TBC1D22A: variants seen among roughly 807,000 people sequenced by gnomAD.
TBC1D22A encodes the protein TBC1 domain family member 22A, also known as putative GTPase activator.
TBC1D22A carries 38 observed loss-of-function variants against 60.2 expected under a neutral mutation model. The ratio of observed to expected loss-of-function variants is 0.63; its 90% CI spans 0.49 to 0.83. The LOEUF (loss-of-function observed/expected upper bound fraction) is 0.83, where lower values mean the gene tolerates loss of function less well. TBC1D22A is among the 40% of genes least tolerant of loss of function. The pLI is 0.00. For synonymous variants in TBC1D22A, 302 were observed against 281.7 expected, an observed-to-expected ratio of 1.07 and a Z score of -0.72; for missense variants, 628 against 701.0, an observed-to-expected ratio of 0.90 and a Z score of 1.18.
intron 11 of TBC1D22A, among the ~76,000 whole-genome samples, chr22:47,099,688 A>C (rs1476805218): frequency 6.6e-6 from 1 of 151,296 alleles, no homozygotes; most frequent in Non-Finnish European, 1.5e-5. Context: ...CAGGTGGTCC[A>C]CCTGCCTCAG....
chr22:47,149,882 C>G (rs1055649056), intron 12 of TBC1D22A, among the ~76,000 whole-genome samples: 2 of 152,162 alleles, frequency 1.3e-5, no homozygotes, highest in African/African-American at 4.8e-5. Flanking sequence ...TTTGGCCTAG[C>G]CCTCATCTCT....
chr22:47,101,385 G>C (rs984357745), intron 11 of TBC1D22A, among the ~76,000 whole-genome samples: 1 of 152,216 alleles, frequency 6.6e-6, no homozygotes, highest in Non-Finnish European at 1.5e-5. Context: ...TGCTGGGCCG[G>C]CCTCTAGAGC....
chr22:46,925,924 CA>C (rs1197795079), intron 8 of TBC1D22A, among the ~76,000 whole-genome samples: 1 of 152,130 alleles, frequency 6.6e-6, no homozygotes, highest in Non-Finnish European at 1.5e-5. Flanking sequence ...GGCCATAAAA[CA>C]AGCCGTAATA....
intron 11 of TBC1D22A, among the ~76,000 whole-genome samples, chr22:47,097,326 T>C (rs970094548): frequency 6.6e-6 from 1 of 152,152 alleles, no homozygotes; most frequent in Non-Finnish European, 1.5e-5. Context: ...TAGAAGTGCA[T>C]TGAATTGGGT....
chr22:46,912,274 C>T, intron 8 of TBC1D22A, 86 bp downstream of exon 8: 1 of 969,318 alleles, frequency 1.0e-6, no homozygotes, highest in Non-Finnish European at 1.6e-6. Flanking sequence ...TTGAAAATTG[C>T]TACTAAGTGT....
chr22:46,913,226 A>G lies in TBC1D22A; in HGVS notation c.1015+1038A>G, dbSNP rs6008000. ...TATGGATAAAACATAAATAGGAAAG[A>G]GGGGACTTTACTGTTTAGTCACAGC... is the stretch of plus-strand genomic sequence containing the variant. On this transcript the variant is annotated intron_variant, in intron 8 of 12. Coordinates refer to ENST00000337137, the MANE Select transcript of TBC1D22A (RefSeq NM_014346.5). 2.7e-3 allele frequency: 1,792 copies of G among 667,114 alleles called. 33 individuals are homozygous for G. In the African/African-American group the frequency reaches 0.032, roughly 12 times the overall value. The allele number at this position is 667,114 out of a possible 1,614,324, so 41.3% of individuals were successfully genotyped here.
At chr22:46,771,575 T>C (rs2083480031) in intron 1 of TBC1D22A, among the ~76,000 whole-genome samples, 1 of 151,786 alleles carries the variant, frequency 6.6e-6, no homozygotes, top group African/African-American at 2.4e-5. Flanking sequence ...CTTTGCATCC[T>C]CATGGCTTAG....
chr22:47,143,496 C>T (rs2067180326), intron 12 of TBC1D22A, among the ~76,000 whole-genome samples: 2 of 152,224 alleles, frequency 1.3e-5, no homozygotes, highest in African/African-American at 4.8e-5. Context: ...TAGAATATCA[C>T]CATCAGTGCA....
chr22:46,964,743 G>GT (rs2073714664), intron 8 of TBC1D22A, among the ~76,000 whole-genome samples: 1 of 152,200 alleles, frequency 6.6e-6, no homozygotes, highest in Non-Finnish European at 1.5e-5. Flanking sequence ...AGGGAGGAGT[G>GT]TTTTGAAATG....
rs990112056 is a variant in TBC1D22A, at chr22:47,046,421, C to T, written c.1329+9223C>T. On this transcript the variant is annotated intron_variant, in intron 11 of 12. Coordinates refer to ENST00000337137, the MANE Select transcript of TBC1D22A (RefSeq NM_014346.5). ...TTTGGGCCCCAGAGTCCCTGAACCT[C>T]CCTTAGCGACTGGTTGGGATTTGTG... Among the ~76,000 whole-genome samples, 15 of 152,306 alleles carry T rather than the reference C, an allele frequency of 9.8e-5. No individual in the cohort carries two copies. In the South Asian group the frequency reaches 1.7e-3, roughly 17 times the overall value.
chr22:46,955,941 C>T (rs2073163655), intron 8 of TBC1D22A, among the ~76,000 whole-genome samples: 1 of 152,062 alleles, frequency 6.6e-6, no homozygotes, highest in African/African-American at 2.4e-5. Flanking sequence ...TTGAACCAGC[C>T]CAGATGCCCA....
intron 11 of TBC1D22A, among the ~76,000 whole-genome samples, chr22:47,040,735 G>A (rs967177459): frequency 3.3e-5 from 5 of 152,168 alleles, no homozygotes; most frequent in African/African-American, 1.2e-4. Context: ...AGCTGGGGTA[G>A]GCCGTGGAAT....
intron 11 of TBC1D22A, among the ~76,000 whole-genome samples, chr22:47,041,163 C>T (rs2062832134): frequency 6.6e-6 from 1 of 152,182 alleles, no homozygotes; most frequent in Admixed American, 6.5e-5. Context: ...GGCTTAAGGC[C>T]TTTATTAAAT....
chr22:46,952,500 A>C (rs2072968491), intron 8 of TBC1D22A, among the ~76,000 whole-genome samples: 1 of 152,192 alleles, frequency 6.6e-6, no homozygotes, highest in Non-Finnish European at 1.5e-5. Flanking sequence ...TTCTGGATAA[A>C]GGAAGCATCG....
chr22:47,000,288 G>A (rs1051623852), intron 10 of TBC1D22A, among the ~76,000 whole-genome samples: 3 of 152,112 alleles, frequency 2.0e-5, no homozygotes, highest in African/African-American at 7.2e-5. Flanking sequence ...GGAGGGGGAG[G>A]TCTTGGGGAT....
chr22:47,068,462 A>G (rs1215378325), intron 11 of TBC1D22A, among the ~76,000 whole-genome samples: 2 of 152,184 alleles, frequency 1.3e-5, no homozygotes, highest in African/African-American at 4.8e-5. Context: ...TCTGGTGGGG[A>G]CTTTGATGTT....
chr22:47,063,858 T>TA (rs1387974417), intron 11 of TBC1D22A, among the ~76,000 whole-genome samples: 1 of 152,246 alleles, frequency 6.6e-6, no homozygotes, highest in East Asian at 1.9e-4. Context: ...CCTCTGTCGC[T>TA]ACGTAGCCTT....
In TBC1D22A at chr22:47,060,495, A is replaced by G. The variant is rs569886865; in HGVS notation, c.1329+23297A>G. On this transcript the variant is annotated intron_variant, in intron 11 of 12. Transcript: ENST00000337137. The stretch of plus-strand genomic sequence containing the variant: ...GCCCAGGCTAGAGTGCAGTGGCACA[A>G]TCTCGGCTCACTGCAACCTCCGCTT... Among the ~76,000 whole-genome samples the G allele has an allele frequency of 8.1e-4, 123 of 152,228 alleles. 1 individual carries two copies. Among genetic ancestry groups the G allele is most frequent in the African/African-American group, 2.8e-3 (117 of 41,518 alleles).
At chr22:47,048,037 A>G (rs1474373965) in intron 11 of TBC1D22A, among the ~76,000 whole-genome samples, 1 of 152,176 alleles carries the variant, frequency 6.6e-6, no homozygotes, top group Non-Finnish European at 1.5e-5. Context: ...AACAAGAAAA[A>G]AGCCAGAACA....
Sources: gnomAD v4.1 joint callset for allele counts (sites outside exome capture counted in the v4.1 genomes callset) on GRCh38, gnomAD v4.1.1 for gene constraint, MANE v1.5 for transcripts, NCBI Gene and HGNC (gene_info 2026-07-23, HGNC 2026-07-21) for gene names.